Variants in SLC8A2 observed in about 807,000 individuals in gnomAD.
The protein encoded by SLC8A2 is solute carrier family 8 member A2.
A neutral mutation model predicts 70.2 loss-of-function variants in SLC8A2; 14 were observed. The ratio of observed to expected loss-of-function variants is 0.20; its 90% confidence interval spans 0.13 to 0.31. SLC8A2 has a LOEUF of 0.31. SLC8A2 is among the 10% of genes least tolerant of loss of function. SLC8A2 has a pLI of 1.00. For missense variants in SLC8A2, 779 were observed against 1,320.1 expected (o/e 0.59, Z 6.35); for synonymous variants, 575 against 594.3 (o/e 0.97, Z 0.47).
chr19:47,457,791 CTTTTCT>C (rs1438617976), intron 2 of SLC8A2, among the ~76,000 whole-genome samples, 197 bp from the exon 3 acceptor site: 1 of 77,792 alleles, frequency 1.3e-5, no homozygotes, highest in Non-Finnish European at 2.6e-5. Flanking sequence ...CTTTTCTTTT[CTTTTCT>C]CTTCCTTCCT....
Position 47,447,907 on chromosome 19 carries a change from C to A in SLC8A2, c.1665G>T (p.Val555=), listed in dbSNP as rs771818483. 1.9e-6 allele frequency: 3 copies of A among 1,577,504 alleles called. No homozygotes were observed. Among genetic ancestry groups the A allele is most frequent in the Admixed American group, 3.6e-5 (2 of 55,416 alleles). ...VVRSSGARGT[V]RLPYRTVDGT... is the part of the protein sequence containing the mutation. ...CGTCCACCGTGCGGTAGGGAAGGCG[C>A]ACGGTGCCGCGCGCGCCCGAGCTGC... is the stretch of plus-strand genomic sequence containing the variant. Residue 555 remains valine, a synonymous_variant, in exon 4 of 10, where the codon GTG becomes GTT. Transcript: ENST00000236877. The surrounding 1 kb of genome is among the most constrained non-coding windows in gnomAD (Gnocchi z 5.1).
intron 2 of SLC8A2, among the ~76,000 whole-genome samples, chr19:47,464,363 C>T (rs542966150): frequency 2.0e-5 from 3 of 152,258 alleles, no homozygotes; most frequent in African/African-American, 7.2e-5. Flanking sequence ...CTTCCTGCCT[C>T]GACCTCCCAA....
At chr19:47,454,818 G>T (rs1474878537) in intron 3 of SLC8A2, among the ~76,000 whole-genome samples, 1 of 152,180 alleles carries the variant, frequency 6.6e-6, no homozygotes, top group Admixed American at 6.5e-5. Context: ...AGGTGCGGTG[G>T]CTCACGCCTG....
chr19:47,446,401 C>G (rs529325647), intron 4 of SLC8A2, among the ~76,000 whole-genome samples: 4 of 152,108 alleles, frequency 2.6e-5, no homozygotes, highest in Admixed American at 6.5e-5. Flanking sequence ...ATTTAGTGTA[C>G]GTGTCCGTGA....
Position 47,457,002 on chromosome 19 carries a change from C to T in SLC8A2, c.1268G>A (p.Gly423Asp). The T allele has an allele frequency of 6.2e-7, 1 of 1,612,756 alleles. No individual in the cohort carries two copies. The highest frequency in any genetic ancestry group is 8.5e-7 in the Non-Finnish European group (1 of 1,179,574). Residue 423 changes from glycine to aspartate, a missense_variant, in exon 3 of 10, where the codon GGC (glycine) becomes GAC (aspartate). Physicochemically the swap from Gly to Asp is moderately conservative, Grantham distance 94 (BLOSUM62 -1). Around this residue, in one of 6 missense-constraint regions of SLC8A2, gnomAD observed 186 missense variants for 246.6 expected, o/e 0.75. Transcript: ENST00000236877. ...LLSVTCQGGE[G>D]NSTFYVDYRT... ...GTAGTCCACGTAGAAGGTGCTGTTGCCCTCGCCGCCCTGGCACGTGACGGA... is the reference window on the plus strand; with the variant it reads ...GTAGTCCACGTAGAAGGTGCTGTTGTCCTCGCCGCCCTGGCACGTGACGGA...
At chr19:47,436,509 T>G (rs1286389662) in intron 8 of SLC8A2, among the ~76,000 whole-genome samples, 1 of 152,240 alleles carries the variant, frequency 6.6e-6, no homozygotes, top group African/African-American at 2.4e-5. Context: ...CTAGGACTGC[T>G]GCCTTGTATT....
chr19:47,452,435 AGAGAGAGAGAGTGTGTGTGT>A (rs1967251880), intron 3 of SLC8A2, among the ~76,000 whole-genome samples: 6 of 94,890 alleles, frequency 6.3e-5, no homozygotes, highest in South Asian at 3.8e-4. Context: ...AGAGAGAGAG[AGAGAGAGAGAGTGTGTGTGT>A]GTGTGTGTGT....
In SLC8A2 at chr19:47,447,032, C is replaced by G. The variant is rs1967171837; in HGVS notation, c.1763+777G>C. 6.6e-6 allele frequency among the ~76,000 whole-genome samples: 1 copy of G among 151,966 alleles called. No homozygotes were observed. The highest frequency in any genetic ancestry group is 6.5e-5 in the Admixed American group (1 of 15,270). Reference sequence around the variant, plus strand: ...CCCTGCCTTCCCAGGCCCCCAGATTCCAGCACCATCTTTTCCCAAATCCTC... The same window carrying G: ...CCCTGCCTTCCCAGGCCCCCAGATTGCAGCACCATCTTTTCCCAAATCCTC... On this transcript the variant is annotated intron_variant, in intron 4 of 9. Coordinates refer to ENST00000236877, the MANE Select transcript of SLC8A2 (RefSeq NM_015063.3). This position sits in a 1 kb window ranked among gnomAD's most constrained non-coding sequence, Gnocchi z 5.1.
At chr19:47,463,194 G>A (rs571046685) in intron 2 of SLC8A2, among the ~76,000 whole-genome samples, 1 of 151,402 alleles carries the variant, frequency 6.6e-6, no homozygotes, top group African/African-American at 2.4e-5. Flanking sequence ...GTGCAGCGGC[G>A]CGATCTTGGC....
intron 9 of SLC8A2, among the ~76,000 whole-genome samples, chr19:47,431,517 C>T (rs1381565437): frequency 3.3e-5 from 5 of 151,816 alleles, no homozygotes; most frequent in South Asian, 2.1e-4. Flanking sequence ...GATGTGGTGG[C>T]GCACGCCTGT....
At chr19:47,437,392 A>T (rs1967043286) in intron 8 of SLC8A2, 70 bp downstream of exon 8, 1 of 1,126,206 alleles carries the variant, frequency 8.9e-7, no homozygotes, top group East Asian at 2.4e-5. Context: ...CTCTCCATTC[A>T]TTTCTCCCCC....
In SLC8A2 at chr19:47,429,759, C is replaced by T; in HGVS notation, c.*330G>A. ...GGTGACCAAGGAGAGAGACCTTAAA[C>T]TCCCCAGGATGGTTACTGGGGGTGG... is the stretch of plus-strand genomic sequence containing the variant. On this transcript the variant is annotated 3_prime_UTR_variant, in exon 10 of 10. Coordinates refer to ENST00000236877, the MANE Select transcript of SLC8A2 (RefSeq NM_015063.3). 2.9e-6 allele frequency: 1 copy of T among 343,654 alleles called. No homozygotes were observed. Among genetic ancestry groups the T allele is most frequent in the Non-Finnish European group, 5.3e-6 (1 of 187,124 alleles). The allele number at this position is 343,654 out of a possible 1,614,324, so 21.3% of individuals were successfully genotyped here. A position where few individuals can be genotyped will look rare whatever the true frequency, so the allele number is the denominator to read the frequency against.
intron 2 of SLC8A2, among the ~76,000 whole-genome samples, chr19:47,460,116 C>T (rs1468806862): frequency 6.6e-6 from 1 of 152,184 alleles, no homozygotes; most frequent in Non-Finnish European, 1.5e-5. Context: ...CAAACGCCCT[C>T]AGTGCCCCAC....
rs945195855 is a variant in SLC8A2, at chr19:47,466,684, G to A, written c.-16-265C>T. 9.2e-5 allele frequency among the ~76,000 whole-genome samples: 14 copies of A among 152,114 alleles called. No homozygotes were observed. Among genetic ancestry groups the A allele is most frequent in the South Asian group, 6.2e-4 (3 of 4,822 alleles). ...CTATGCACTTTGGGCAACTACAGCC[G>A]AACACCACGTATCATGCAATTCAGC... On this transcript the variant is annotated intron_variant, in intron 1 of 9. Coordinates refer to ENST00000236877, the MANE Select transcript of SLC8A2 (RefSeq NM_015063.3). The surrounding 1 kb of genome is among the most constrained non-coding windows in gnomAD (Gnocchi z 6.9).
chr19:47,449,306 G>A (rs1967207455), intron 3 of SLC8A2, among the ~76,000 whole-genome samples: 1 of 152,016 alleles, frequency 6.6e-6, no homozygotes, highest in Admixed American at 6.6e-5. Flanking sequence ...AGGATGCCTG[G>A]AAAAGAGTTT....
intron 3 of SLC8A2, among the ~76,000 whole-genome samples, chr19:47,449,072 T>C (rs1967204961): frequency 6.6e-6 from 1 of 152,224 alleles, no homozygotes; most frequent in Non-Finnish European, 1.5e-5. Flanking sequence ...GGCATTGTTT[T>C]AAGTGTTGGG....
chr19:47,451,095 G>A lies in SLC8A2; in HGVS notation c.1341-2864C>T, dbSNP rs764688886. Among the ~76,000 whole-genome samples the A allele has an allele frequency of 2.3e-5, 3 of 132,348 alleles. No homozygotes were observed. The East Asian group carries it at 7.3e-4, about 32-fold the overall frequency. The allele number at this position is 132,348 out of a possible 152,430, so 86.8% of individuals were successfully genotyped here. ...ACGATCTCAGCTCACTGCAACCTCC[G>A]CCTCTTGGGTTCAGGCGATTCTTCT... On this transcript the variant is annotated intron_variant, in intron 3 of 9. Transcript: ENST00000236877.
rs1967183359 is a variant in SLC8A2 at position 47,447,703 on chromosome 19, C to T, written c.1763+106G>A. 26 of 1,238,694 alleles carry T rather than the reference C, an allele frequency of 2.1e-5. No individual in the cohort carries two copies. The highest frequency in any genetic ancestry group is 3.1e-5 in the Admixed American group (1 of 31,770). 76.7% of individuals were successfully genotyped at this position (1,238,694 alleles called of 1,614,324 possible). Reference sequence around the variant, plus strand: ...CCCCTCCCGAGGCCCAACCAAGACCCGCCCACTATGTGGGCATGGCTCACC... The same window carrying T: ...CCCCTCCCGAGGCCCAACCAAGACCTGCCCACTATGTGGGCATGGCTCACC... On this transcript the variant is annotated intron_variant, in intron 4 of 9. Coordinates refer to ENST00000236877, the MANE Select transcript of SLC8A2 (RefSeq NM_015063.3). This position sits in a 1 kb window ranked among gnomAD's most constrained non-coding sequence, Gnocchi z 5.1.
In SLC8A2 at chr19:47,468,061, A is replaced by G. The variant is rs1188929890; in HGVS notation, c.-16-1642T>C. ...ACAAATCAGCTTGCCTCATCCCCCTACTGTTCAGAACCCCCGCCAGCTCCC... is the reference window on the plus strand; with the variant it reads ...ACAAATCAGCTTGCCTCATCCCCCTGCTGTTCAGAACCCCCGCCAGCTCCC... On this transcript the variant is annotated intron_variant, in intron 1 of 9. Coordinates refer to ENST00000236877, the MANE Select transcript of SLC8A2 (RefSeq NM_015063.3). The surrounding 1 kb of genome is among the most constrained non-coding windows in gnomAD (Gnocchi z 5.1). 6.7e-6 allele frequency among the ~76,000 whole-genome samples: 1 copy of G among 150,016 alleles called. No homozygotes were observed. Among genetic ancestry groups the G allele is most frequent in the African/African-American group, 2.5e-5 (1 of 40,738 alleles).
Sources: gnomAD v4.1 joint callset for allele counts (sites outside exome capture counted in the v4.1 genomes callset) on GRCh38, gnomAD v4.1.1 for gene constraint, gnomAD v4.1.1 regional missense constraint, Gnocchi (gnomAD v3.1) non-coding constraint, MANE v1.5 for transcripts, NCBI Gene and HGNC (gene_info 2026-07-23, HGNC 2026-07-21) for gene names.